PPP3R1: variants seen among roughly 807,000 people sequenced by gnomAD.
PPP3R1 encodes the protein calcineurin subunit B type 1.
Under a neutral mutation model 22.6 loss-of-function variants are expected in PPP3R1, and 5 were observed. The ratio of observed to expected loss-of-function variants is 0.22; its 90% CI spans 0.12 to 0.46. The LOEUF is 0.46. PPP3R1 is among the 20% of genes least tolerant of loss of function. The pLI, the probability that PPP3R1 is intolerant of heterozygous loss-of-function variation, is 0.99. For synonymous variants in PPP3R1, 56 were observed against 65.2 expected (o/e 0.86, Z 0.68); for missense variants, 61 against 203.2 (o/e 0.30, Z 4.25).
chr2:68,195,782 GA>G (rs1429047447), intron 2 of PPP3R1, among the ~76,000 whole-genome samples: 2 of 151,944 alleles, frequency 1.3e-5, no homozygotes, highest in African/African-American at 2.4e-5. Flanking sequence ...TTTAGTACAT[GA>G]ATTAAAATCC....
intron 2 of PPP3R1, among the ~76,000 whole-genome samples, chr2:68,198,364 C>T (rs13004471): frequency 0.11 from 4,722 of 42,892 alleles, 680 homozygotes; most frequent in African/African-American, 0.36. Context: ...TATATATGTA[C>T]ATATATGTAC....
chr2:68,217,386 TATTTCAAATATTTTCTA>T (rs1377371569), intron 1 of PPP3R1, among the ~76,000 whole-genome samples: 1 of 152,148 alleles, frequency 6.6e-6, no homozygotes, highest in African/African-American at 2.4e-5. Flanking sequence ...GATTGCAATA[TATTTCAAATATTTTCTA>T]ATACCCTAAA....
At chr2:68,190,689 G>A (rs890333950) in intron 2 of PPP3R1, among the ~76,000 whole-genome samples, 2 of 152,112 alleles carry the variant, frequency 1.3e-5, no homozygotes, top group Non-Finnish European at 2.9e-5. Context: ...TTCTAAAATT[G>A]TTATGTTGTC....
intron 2 of PPP3R1, among the ~76,000 whole-genome samples, chr2:68,190,651 G>C (rs1674646936): frequency 6.6e-6 from 1 of 152,150 alleles, no homozygotes; most frequent in Admixed American, 6.5e-5. Flanking sequence ...GAGAAAACAA[G>C]TTTAGGGGCT....
intron 2 of PPP3R1, among the ~76,000 whole-genome samples, chr2:68,213,543 A>T (rs1366561541): frequency 1.3e-5 from 2 of 152,178 alleles, no homozygotes; most frequent in Non-Finnish European, 2.9e-5. Flanking sequence ...CTAACCACAG[A>T]CCACCATACA....
chr2:68,209,019 T>C (rs1669402396), intron 2 of PPP3R1, among the ~76,000 whole-genome samples: 1 of 151,432 alleles, frequency 6.6e-6, no homozygotes, highest in African/African-American at 2.4e-5. Flanking sequence ...GGAAAGATTA[T>C]GGATAACTGG....
chr2:68,192,813 C>G (rs182567471), intron 2 of PPP3R1, among the ~76,000 whole-genome samples: 1 of 152,224 alleles, frequency 6.6e-6, no homozygotes, highest in East Asian at 1.9e-4. Context: ...TACTTAGCCT[C>G]AAATTTAAAT....
intron 2 of PPP3R1, among the ~76,000 whole-genome samples, chr2:68,205,746 TTA>T (rs904643018): frequency 2.0e-5 from 3 of 151,936 alleles, no homozygotes; most frequent in Non-Finnish European, 4.4e-5. Context: ...GTCCGTGGAG[TTA>T]TAGCAGCCGA....
rs182027023 is a variant in PPP3R1, at chr2:68,182,721, C to T, written c.466-1711G>A. Among the ~76,000 whole-genome samples, 323 of 147,428 alleles carry T rather than the reference C, an allele frequency of 2.2e-3. 1 individual carries two copies. The highest frequency in any genetic ancestry group is 6.9e-3 in the African/African-American group (275 of 39,986). ...GCCTGGGCAACAAACTGAGGCAACA[C>T]TCCCTCTCAAAAAAAAAAAAAAAAT... On this transcript the variant is annotated intron_variant, in intron 5 of 5. Transcript: ENST00000234310.
At chr2:68,193,789 C>T (rs1674714743) in intron 2 of PPP3R1, among the ~76,000 whole-genome samples, 1 of 152,032 alleles carries the variant, frequency 6.6e-6, no homozygotes, top group Admixed American at 6.6e-5. Flanking sequence ...CAGATCAAAC[C>T]CATCTTGTTA....
intron 5 of PPP3R1, among the ~76,000 whole-genome samples, chr2:68,182,833 G>A (rs1467244243): frequency 6.6e-6 from 1 of 151,450 alleles, no homozygotes; most frequent in Non-Finnish European, 1.5e-5. Flanking sequence ...CATTTGTTTG[G>A]TACACAGTTA....
intron 5 of PPP3R1, among the ~76,000 whole-genome samples, chr2:68,182,288 G>T (rs552631205): frequency 6.6e-6 from 1 of 152,074 alleles, no homozygotes; most frequent in African/African-American, 2.4e-5. Flanking sequence ...AAGTGCCAAC[G>T]AATTCTACAA....
At chr2:68,233,484 T>G (rs187583181) in intron 1 of PPP3R1, among the ~76,000 whole-genome samples, 5 of 152,280 alleles carry the variant, frequency 3.3e-5, no homozygotes, top group African/African-American at 1.2e-4. Context: ...TTCCAATATT[T>G]AGGCAAATTC....
intron 2 of PPP3R1, among the ~76,000 whole-genome samples, chr2:68,191,443 G>A (rs1191445152): frequency 6.6e-6 from 1 of 152,126 alleles, no homozygotes; most frequent in Non-Finnish European, 1.5e-5. Flanking sequence ...ACCTGTATAG[G>A]GCATTTACCA....
At position 68,196,870 on chromosome 2, in the gene PPP3R1, G is replaced by A. The variant is rs566005264; in HGVS notation, c.44-8180C>T. The stretch of plus-strand genomic sequence containing the variant: ...CTCCGGGGTAGCTGAGATTACAGGC[G>A]TGCGCCACCACGCCCTGCTGATTTT... On this transcript the variant is annotated intron_variant, in intron 2 of 5. Coordinates refer to ENST00000234310, the MANE Select transcript of PPP3R1 (RefSeq NM_000945.4). Among the ~76,000 whole-genome samples the A allele has an allele frequency of 1.1e-3, 169 of 152,058 alleles. 1 individual carries two copies. Among genetic ancestry groups the A allele is most frequent in the South Asian group, 9.3e-3 (45 of 4,818 alleles).
intron 5 of PPP3R1, among the ~76,000 whole-genome samples, chr2:68,185,275 T>C (rs1199921246): frequency 6.7e-6 from 1 of 150,046 alleles, no homozygotes; most frequent in East Asian, 1.9e-4. Context: ...GAAAATAAAC[T>C]CGAAACTTAG....
At chr2:68,188,183 A>G (rs1168037890) in intron 3 of PPP3R1, among the ~76,000 whole-genome samples, 1 of 152,166 alleles carries the variant, frequency 6.6e-6, no homozygotes, top group Non-Finnish European at 1.5e-5. Flanking sequence ...AAAATTAAAT[A>G]AATAAATAAA....
chr2:68,188,405 T>C (rs1000790621), intron 3 of PPP3R1, 109 bp downstream of exon 3: 6 of 877,066 alleles, frequency 6.8e-6, no homozygotes, highest in Admixed American at 3.1e-5. Context: ...TAATCTATTA[T>C]TGTAAGGTCA....
intron 2 of PPP3R1, among the ~76,000 whole-genome samples, chr2:68,205,671 T>A (rs566618912): frequency 2.9e-4 from 44 of 152,314 alleles, no homozygotes; most frequent in African/African-American, 8.7e-4. Context: ...GTAGATTTTT[T>A]AAATCAATCC....
Sources: gnomAD v4.1 joint callset for allele counts (sites outside exome capture counted in the v4.1 genomes callset) on GRCh38, gnomAD v4.1.1 for gene constraint, MANE v1.5 for transcripts, NCBI Gene and HGNC (gene_info 2026-07-23, HGNC 2026-07-21) for gene names.